The following ZBTB26 variants were observed in gnomAD, a reference collection of about 807,000 sequenced individuals.
ZBTB26 encodes the protein zinc finger and BTB domain-containing protein 26.
In ZBTB26, 12 loss-of-function variants were observed where a neutral mutation model predicts 31.6. That is an observed-to-expected ratio of 0.38 (90% CI 0.24 to 0.61). ZBTB26 has a LOEUF of 0.61. Ranked by LOEUF, ZBTB26 falls within the 20% of genes least tolerant of loss-of-function variation. The probability of loss-of-function intolerance (pLI) is 0.60; values close to 1 mark genes in which losing one functional copy is unlikely to be tolerated. For synonymous variants in ZBTB26, 155 were observed against 182.9 expected, an observed-to-expected ratio of 0.85 and a Z score of 1.23; for missense variants, 311 against 521.9, an observed-to-expected ratio of 0.60 and a Z score of 3.94.
rs183210934 is a variant in ZBTB26, at chr9:122,930,466, C to T, written c.-11+971G>A. Among the ~76,000 whole-genome samples the T allele has an allele frequency of 1.8e-3, 270 of 152,318 alleles. 2 individuals carry two copies. The highest frequency in any genetic ancestry group is 3.2e-3 in the Non-Finnish European group (220 of 68,026). ...CCCATTACCCCTTCAAAAGAATCTC[C>T]GATAAGCGTTCCTAACTTTTAGCTA... On this transcript the variant is annotated intron_variant, in intron 1 of 1. Transcript: ENST00000373656.
intron 1 of ZBTB26, among the ~76,000 whole-genome samples, chr9:122,929,081 G>A (rs1833228077): frequency 1.3e-5 from 2 of 152,306 alleles, no homozygotes; most frequent in Non-Finnish European, 2.9e-5. Context: ...TTTGATGAAT[G>A]TCATTCAGCA....
In ZBTB26 at chr9:122,919,309, G is replaced by A. The variant is rs1327166826; in HGVS notation, c.626C>T (p.Thr209Ile). The change falls in exon 2 of 2, where the codon ACT (threonine) becomes ATT (isoleucine). Residue 209 changes from threonine to isoleucine, a missense_variant. Physicochemically the swap from Thr to Ile is moderately conservative, Grantham distance 89. Transcript: ENST00000373656. This position sits in a 1 kb window ranked among gnomAD's most constrained non-coding sequence, Gnocchi z 6.1. ...CTGGGGCTCTGATGAATGTAAAGCAGTGGGTTCAGAAGAAATAAACTGGTT... is the reference window on the plus strand; with the variant it reads ...CTGGGGCTCTGATGAATGTAAAGCAATGGGTTCAGAAGAAATAAACTGGTT... Reference protein sequence around the residue: ...DQNQFISSEPTALHSSEPQHS... With the variant: ...DQNQFISSEPIALHSSEPQHS... 2 of 1,614,196 alleles carry A rather than the reference G, an allele frequency of 1.2e-6. No individual in the cohort carries two copies. The highest frequency in any genetic ancestry group is 1.7e-6 in the Non-Finnish European group (2 of 1,180,044).
intron 1 of ZBTB26, among the ~76,000 whole-genome samples, chr9:122,927,490 A>G (rs1249251475): frequency 6.6e-6 from 1 of 152,206 alleles, no homozygotes; most frequent in Non-Finnish European, 1.5e-5. Flanking sequence ...CCTGTCTCAT[A>G]AAAGTGCCCT....
chr9:122,918,781 G>A lies in ZBTB26; in HGVS notation c.1154C>T (p.Ala385Val). Residue 385 changes from alanine to valine, a missense_variant, in exon 2 of 2, where the codon GCC becomes GTC. Around this residue, in one of 5 missense-constraint regions of ZBTB26, gnomAD observed 49 missense variants for 66.0 expected, o/e 0.74. Coordinates refer to ENST00000373656, the MANE Select transcript of ZBTB26 (RefSeq NM_020924.4). The part of the protein sequence containing the change: ...QLHGKNSFDN[A>V]NERNVQDLTV... ...GAGGTCTTGTACATTTCTCTCATTG[G>A]CATTATCAAAGCTGTTTTTGCCATG... 1 of 1,614,094 alleles carries A rather than the reference G, an allele frequency of 6.2e-7. No homozygotes were observed. Among genetic ancestry groups the A allele is most frequent in the Non-Finnish European group, 8.5e-7 (1 of 1,180,010 alleles).
chr9:122,924,093 C>T (rs1450255687), intron 1 of ZBTB26, among the ~76,000 whole-genome samples: 4 of 152,164 alleles, frequency 2.6e-5, no homozygotes, highest in East Asian at 1.9e-4. Context: ...AATCACCTAA[C>T]GACGCATTTC....
intron 1 of ZBTB26, among the ~76,000 whole-genome samples, chr9:122,926,424 G>A (rs964592360): frequency 4.0e-5 from 6 of 151,130 alleles, no homozygotes; most frequent in Admixed American, 2.6e-4. Flanking sequence ...GGAGAATGGC[G>A]TGAACCCGGG....
At position 122,918,512 on chromosome 9, in the gene ZBTB26, G is replaced by A. The variant is rs1436362230; in HGVS notation, c.*97C>T. ...ACTCACTCCCTACCACCTACACAGA[G>A]GCTTTGGAGAAGTCAAACTAGCAAA... On this transcript the variant is annotated 3_prime_UTR_variant, in exon 2 of 2. Transcript: ENST00000373656. The A allele has an allele frequency of 2.8e-5, 43 of 1,515,620 alleles. No homozygotes were observed. Among genetic ancestry groups the A allele is most frequent in the Non-Finnish European group, 3.8e-5 (43 of 1,138,118 alleles). 93.9% of individuals were successfully genotyped at this position (1,515,620 alleles called of 1,614,324 possible). A position where few individuals can be genotyped will look rare whatever the true frequency, so the allele number is the denominator to read the frequency against.
chr9:122,921,416 T>C (rs1479800395), intron 1 of ZBTB26, among the ~76,000 whole-genome samples: 2 of 152,364 alleles, frequency 1.3e-5, no homozygotes. Flanking sequence ...CACTGAATTT[T>C]ATGTATTAAT....
At chr9:122,928,938 A>G (rs997009787) in intron 1 of ZBTB26, among the ~76,000 whole-genome samples, 39 of 152,362 alleles carry the variant, frequency 2.6e-4, no homozygotes, top group African/African-American at 9.1e-4. Context: ...CTGAAGAGAG[A>G]CAACAATAAT....
chr9:122,924,964 A>T (rs2793009), intron 1 of ZBTB26, among the ~76,000 whole-genome samples: 148,402 of 151,908 alleles, frequency 0.98, 72,589 homozygotes, highest in Non-Finnish European at 1. Context: ...CTTAAAAAAA[A>T]TTTTTTTTGA....
chr9:122,923,367 A>ATGTAG (rs1833131378), intron 1 of ZBTB26, among the ~76,000 whole-genome samples: 1 of 151,230 alleles, frequency 6.6e-6, no homozygotes, highest in Non-Finnish European at 1.5e-5. Flanking sequence ...CTGCATTGAG[A>ATGTAG]GAGGAGCGAT....
intron 1 of ZBTB26, among the ~76,000 whole-genome samples, chr9:122,920,417 A>C (rs1833077817): frequency 6.6e-6 from 1 of 152,140 alleles, no homozygotes; most frequent in African/African-American, 2.4e-5. Context: ...GGAGATTTTC[A>C]CCTCTCTGGA....
At chr9:122,925,449 A>G (rs1441459090) in intron 1 of ZBTB26, among the ~76,000 whole-genome samples, 2 of 152,172 alleles carry the variant, frequency 1.3e-5, no homozygotes, top group Non-Finnish European at 2.9e-5. Context: ...ATTATCCCAC[A>G]TTTTGTATAT....
rs745449492 is a variant in ZBTB26 at position 122,918,270 on chromosome 9, T to G, written c.*339A>C. ...ATCTATTAGTGGAGAGTAGGTGACGTTATTAACTTGTTGGTACCTTCGGAA... is the reference window on the plus strand; with the variant it reads ...ATCTATTAGTGGAGAGTAGGTGACGGTATTAACTTGTTGGTACCTTCGGAA... On this transcript the variant is annotated 3_prime_UTR_variant, in exon 2 of 2. Coordinates refer to ENST00000373656, the MANE Select transcript of ZBTB26 (RefSeq NM_020924.4). 7 of 233,728 alleles carry G rather than the reference T, an allele frequency of 3.0e-5. No homozygotes were observed. The highest frequency in any genetic ancestry group is 5.8e-5 in the Non-Finnish European group (7 of 119,870). 14.5% of individuals were successfully genotyped at this position (233,728 alleles called of 1,614,324 possible).
intron 1 of ZBTB26, among the ~76,000 whole-genome samples, chr9:122,925,031 G>T (rs897800299): frequency 6.6e-6 from 1 of 152,042 alleles, no homozygotes; most frequent in Non-Finnish European, 1.5e-5. Flanking sequence ...TAAGAGAAAT[G>T]ATACCTAATC....
chr9:122,919,930 G>C lies in ZBTB26; in HGVS notation c.5C>G (p.Ser2Cys). 6.4e-7 allele frequency: 1 copy of C among 1,574,750 alleles called. No individual in the cohort carries two copies. The highest frequency in any genetic ancestry group is 8.6e-7 in the Non-Finnish European group (1 of 1,163,308). Reference protein sequence around the residue: MSERSDLLHFKF... With the variant: MCERSDLLHFKF... The stretch of plus-strand genomic sequence containing the variant: ...GAAGTGAAGGAGATCTGATCTTTCA[G>C]ACATTTTGGCAGACCTAAAGAACAG... The change falls in exon 2 of 2, where the codon TCT becomes TGT. Residue 2 changes from serine to cysteine, a missense_variant. Transcript: ENST00000373656. The surrounding 1 kb of genome is among the most constrained non-coding windows in gnomAD (Gnocchi z 6.1).
intron 1 of ZBTB26, among the ~76,000 whole-genome samples, chr9:122,927,309 T>G (rs960963168): frequency 6.6e-6 from 1 of 152,240 alleles, no homozygotes; most frequent in Non-Finnish European, 1.5e-5. Flanking sequence ...CAAATGAGGA[T>G]AGTAAAAAAT....
At chr9:122,920,326 ATTATC>A (rs1833076949) in intron 1 of ZBTB26, among the ~76,000 whole-genome samples, 1 of 152,310 alleles carries the variant, frequency 6.6e-6, no homozygotes, top group African/African-American at 2.4e-5. Context: ...AGATGAAATA[ATTATC>A]TTATTTTATA....
intron 1 of ZBTB26, among the ~76,000 whole-genome samples, chr9:122,920,759 T>C (rs1455130973): frequency 6.6e-6 from 1 of 152,230 alleles, no homozygotes; most frequent in East Asian, 1.9e-4. Flanking sequence ...ATGAGCTATA[T>C]GGTGGGAATC....
Sources: allele counts gnomAD v4.1 joint callset (sites outside exome capture counted in the v4.1 genomes callset), GRCh38; gene constraint gnomAD v4.1.1; regional missense constraint gnomAD v4.1.1; non-coding constraint Gnocchi (gnomAD v3.1); transcripts MANE v1.5; gene names NCBI Gene and HGNC (gene_info 2026-07-23, HGNC 2026-07-21).